Variants in TRDMT1 observed in about 807,000 individuals in gnomAD.
TRDMT1 encodes tRNA aspartic acid methyltransferase 1.
TRDMT1 carries 49 observed loss-of-function variants against 51.2 expected under a neutral mutation model. That is an observed-to-expected ratio of 0.96 (90% CI 0.76 to 1.21). The LOEUF (loss-of-function observed/expected upper bound fraction) is 1.21. Ranked by LOEUF, TRDMT1 falls within the 50% of genes most tolerant of loss-of-function variation. The pLI, the probability that TRDMT1 is intolerant of heterozygous loss-of-function variation, is 0.00. For missense variants in TRDMT1, 534 were observed against 462.3 expected (o/e 1.16, Z -1.42); for synonymous variants, 187 against 164.6 (o/e 1.14, Z -1.04).
At position 17,175,277 on chromosome 10, in the gene TRDMT1, A is replaced by G. The variant is rs567153536; in HGVS notation, c.65-617T>C. Among the ~76,000 whole-genome samples, 11 of 152,360 alleles carry G rather than the reference A, an allele frequency of 7.2e-5. No individual in the cohort carries two copies. In the South Asian group the frequency reaches 2.3e-3, roughly 32 times the overall value. On this transcript the variant is annotated intron_variant, in intron 1 of 10. Transcript: ENST00000377799. ...ATTTTAAATGTTGACAGACCAGAAG[A>G]GAATATAAGAAGAATAAGGGAAATA...
chr10:17,144,243 A>G lies in TRDMT1; in HGVS notation c.*4797T>C, dbSNP rs762781668. 7.1e-5 allele frequency: 70 copies of G among 985,582 alleles called. No homozygotes were observed. The highest frequency in any genetic ancestry group is 6.1e-5 in the Admixed American group (1 of 16,266). The allele number at this position is 985,582 out of a possible 1,614,324, so 61.1% of individuals were successfully genotyped here. ...ATAGAGCTAATTTAGCTAAACAAAC[A>G]TGTTCTCTATGTACACTCTTATAAT... On this transcript the variant is annotated 3_prime_UTR_variant, in exon 11 of 11. Transcript: ENST00000377799.
rs149792125 is a variant in TRDMT1, at chr10:17,167,641, T to A, written c.251+1200A>T. Among the ~76,000 whole-genome samples the A allele has an allele frequency of 6.4e-3, 974 of 152,268 alleles. 15 individuals carry two copies. The highest frequency in any genetic ancestry group is 0.021 in the African/African-American group (891 of 41,544). On this transcript the variant is annotated intron_variant, in intron 3 of 10. Transcript: ENST00000377799. ...AGCCAAATATATATATACACACATA[T>A]ATATAATTTTTTAAATGAAGAGTTT...
At chr10:17,150,913 T>A (rs1354563425) in intron 10 of TRDMT1, 1 of 985,272 alleles carries the variant, frequency 1.0e-6, no homozygotes, top group African/African-American at 1.7e-5. Flanking sequence ...ATCCCAGAGA[T>A]GATCTTTTGC....
intron 3 of TRDMT1, among the ~76,000 whole-genome samples, chr10:17,164,482 C>T (rs1377884754): frequency 1.3e-5 from 2 of 152,202 alleles, no homozygotes; most frequent in African/African-American, 4.8e-5. Context: ...CCTCTCTCAT[C>T]ACTTCTATTC....
At position 17,148,424 on chromosome 10, in the gene TRDMT1, T is replaced by C. The variant is rs1171863674; in HGVS notation, c.*616A>G. ...TCCTTCAGATAGAGGCTGAGGAAAATGTAGATAATGTGCACCAACAGTTTC... is the reference window on the plus strand; with the variant it reads ...TCCTTCAGATAGAGGCTGAGGAAAACGTAGATAATGTGCACCAACAGTTTC... On this transcript the variant is annotated 3_prime_UTR_variant, in exon 11 of 11. Coordinates refer to ENST00000377799, the MANE Select transcript of TRDMT1 (RefSeq NM_004412.7). The C allele has an allele frequency of 3.0e-6, 3 of 985,178 alleles. No homozygotes were observed. The highest frequency in any genetic ancestry group is 1.7e-5 in the African/African-American group (1 of 57,182). 61.0% of individuals were successfully genotyped at this position (985,178 alleles called of 1,614,324 possible). A position where few individuals can be genotyped will look rare whatever the true frequency, so the allele number is the denominator to read the frequency against.
intron 1 of TRDMT1, among the ~76,000 whole-genome samples, chr10:17,193,482 A>C (rs1479253170): frequency 6.6e-6 from 1 of 152,254 alleles, no homozygotes. Context: ...ATTAATGTGC[A>C]AAAATTAGAA....
In TRDMT1 at chr10:17,162,246, G is replaced by A; in HGVS notation, c.252-9C>T. On this transcript the variant is annotated splice_polypyrimidine_tract_variant and intron_variant, in intron 3 of 10. Coordinates refer to ENST00000377799, the MANE Select transcript of TRDMT1 (RefSeq NM_004412.7). ...CACCCTGCCGGCCAATCCTAAAGGG[G>A]TAAAAAAAAAAAAAAACAAAAAAAA... The A allele has an allele frequency of 7.0e-7, 1 of 1,422,792 alleles. No homozygotes were observed. The highest frequency in any genetic ancestry group is 9.2e-7 in the Non-Finnish European group (1 of 1,082,278). The allele number at this position is 1,422,792 out of a possible 1,614,324, so 88.1% of individuals were successfully genotyped here. A position where few individuals can be genotyped will look rare whatever the true frequency, so the allele number is the denominator to read the frequency against.
intron 3 of TRDMT1, among the ~76,000 whole-genome samples, chr10:17,164,642 CCTT>C (rs1183269722): frequency 3.3e-5 from 5 of 152,174 alleles, no homozygotes; most frequent in Non-Finnish European, 5.9e-5. Context: ...CCCAAAATCT[CCTT>C]AAGCTGACAA....
At chr10:17,182,026 A>C (rs765024532) in intron 1 of TRDMT1, among the ~76,000 whole-genome samples, 2 of 152,124 alleles carry the variant, frequency 1.3e-5, no homozygotes, top group Non-Finnish European at 2.9e-5. Flanking sequence ...GACTAGCCAG[A>C]CCGGTTTCAG....
Position 17,197,959 on chromosome 10 carries a change from G to A in TRDMT1, c.64+3612C>T, listed in dbSNP as rs149531928. Reference sequence around the variant, plus strand: ...TGAGGCAGGAAGATCGCTTGAACCCGGGAGACGGAGGTTGCAGTGAACTGA... The same window carrying A: ...TGAGGCAGGAAGATCGCTTGAACCCAGGAGACGGAGGTTGCAGTGAACTGA... On this transcript the variant is annotated intron_variant, in intron 1 of 10. Transcript: ENST00000377799. Among the ~76,000 whole-genome samples the A allele has an allele frequency of 6.2e-3, 947 of 152,066 alleles. 14 individuals carry two copies. The highest frequency in any genetic ancestry group is 0.021 in the African/African-American group (869 of 41,476).
At chr10:17,162,629 GC>G (rs1840561387) in intron 3 of TRDMT1, among the ~76,000 whole-genome samples, 2 of 152,082 alleles carry the variant, frequency 1.3e-5, no homozygotes, top group East Asian at 3.9e-4. Context: ...GAACACTTGA[GC>G]CCGGGAGTTC....
chr10:17,177,713 A>AACACACACACACAC (rs372220525), intron 1 of TRDMT1, among the ~76,000 whole-genome samples: 2,855 of 147,080 alleles, frequency 0.019, 45 homozygotes, highest in Middle Eastern at 0.031. Context: ...ATAGACAAGA[A>AACACACACACACAC]ACACACACAC....
intron 3 of TRDMT1, among the ~76,000 whole-genome samples, chr10:17,164,719 C>T (rs970541498): frequency 2.6e-5 from 4 of 152,246 alleles, no homozygotes; most frequent in African/African-American, 7.2e-5. Flanking sequence ...TTCTTATACA[C>T]CAATAAAAGA....
At chr10:17,160,750 C>T (rs940607306) in intron 5 of TRDMT1, among the ~76,000 whole-genome samples, 32 of 152,158 alleles carry the variant, frequency 2.1e-4, no homozygotes, top group Admixed American at 3.9e-4. Context: ...GGATTACAGG[C>T]GTGAGCCACC....
intron 3 of TRDMT1, among the ~76,000 whole-genome samples, chr10:17,162,905 G>A (rs1193399053): frequency 6.6e-6 from 1 of 152,126 alleles, no homozygotes; most frequent in Non-Finnish European, 1.5e-5. Context: ...AAAACCAACT[G>A]CTCTCTTAAA....
intron 1 of TRDMT1, among the ~76,000 whole-genome samples, chr10:17,177,536 C>G (rs2131537112): frequency 6.6e-6 from 1 of 152,154 alleles, no homozygotes; most frequent in East Asian, 1.9e-4. Flanking sequence ...AAAAGGTTGT[C>G]AGATTGGCTC....
At chr10:17,180,493 T>C (rs374120371) in intron 1 of TRDMT1, among the ~76,000 whole-genome samples, 21 of 149,268 alleles carry the variant, frequency 1.4e-4, no homozygotes, top group Non-Finnish European at 2.4e-4. Context: ...TGAGCCGAGA[T>C]TGCGCCACTT....
Position 17,146,300 on chromosome 10 carries a change from T to C in TRDMT1, c.*2740A>G. The stretch of plus-strand genomic sequence containing the variant: ...TGAAGGTTGGAGGTATTTTCTCATC[T>C]TTCCAGACATAGGGCAGTGCCCATG... On this transcript the variant is annotated 3_prime_UTR_variant, in exon 11 of 11. Coordinates refer to ENST00000377799, the MANE Select transcript of TRDMT1 (RefSeq NM_004412.7). 1.0e-6 allele frequency: 1 copy of C among 985,438 alleles called. No individual in the cohort carries two copies. The highest frequency in any genetic ancestry group is 1.2e-6 in the Non-Finnish European group (1 of 829,934). The allele number at this position is 985,438 out of a possible 1,614,324, so 61.0% of individuals were successfully genotyped here.
At chr10:17,187,249 G>A (rs2131586498) in intron 1 of TRDMT1, among the ~76,000 whole-genome samples, 1 of 151,996 alleles carries the variant, frequency 6.6e-6, no homozygotes, top group East Asian at 1.9e-4. Flanking sequence ...TACTAATATT[G>A]CTAAAAATAA....
Sources: allele counts gnomAD v4.1 joint callset (sites outside exome capture counted in the v4.1 genomes callset), GRCh38; gene constraint gnomAD v4.1.1; transcripts MANE v1.5; gene names NCBI Gene and HGNC (gene_info 2026-07-23, HGNC 2026-07-21).